The following CLCN6 variants were observed in gnomAD, a reference collection of about 807,000 sequenced individuals.
The protein encoded by CLCN6 is Cl-/H+ antiporter 6.
Under a neutral mutation model 109.8 loss-of-function variants are expected in CLCN6, and 70 were observed. The ratio of observed to expected loss-of-function variants is 0.64; its 90% CI spans 0.53 to 0.78. The LOEUF is 0.78. Among genes scored for constraint, CLCN6 ranks in the 30% least tolerant of loss-of-function variants. The pLI is 0.00. For missense variants in CLCN6, 984 were observed against 1,142.3 expected (o/e 0.86, Z 2.00); for synonymous variants, 444 against 447.8 (o/e 0.99, Z 0.11).
At chr1:11,816,546 CA>C in intron 3 of CLCN6, 68 bp from the exon 4 acceptor site, 1 of 1,432,048 alleles carries the variant, frequency 7.0e-7, no homozygotes, top group Non-Finnish European at 9.7e-7. Context: ...ACTGGTTGGC[CA>C]AGATGTATTT....
chr1:11,840,668 G>C lies in CLCN6; in HGVS notation c.*445G>C, dbSNP rs1015054482. The stretch of plus-strand genomic sequence containing the variant: ...GGGGAGATGCCAGTGACAACATACA[G>C]TTCATGACTAGGTTTAGGAATTGGG... On this transcript the variant is annotated 3_prime_UTR_variant, in exon 23 of 23. Transcript: ENST00000346436. The C allele has an allele frequency of 2.1e-5, 5 of 233,180 alleles. No homozygotes were observed. The highest frequency in any genetic ancestry group is 4.4e-5 in the Non-Finnish European group (5 of 114,030). The allele number at this position is 233,180 out of a possible 1,614,324, so 14.4% of individuals were successfully genotyped here. A position where few individuals can be genotyped will look rare whatever the true frequency, so the allele number is the denominator to read the frequency against.
rs766543976 is a variant in CLCN6, at chr1:11,822,683, C to T, written c.347-12C>T. The T allele has an allele frequency of 8.9e-6, 14 of 1,576,478 alleles. No homozygotes were observed. The Middle Eastern group carries it at 5.3e-4, about 59-fold the overall frequency. On this transcript the variant is annotated splice_polypyrimidine_tract_variant and intron_variant, in intron 5 of 22. Coordinates refer to ENST00000346436, the MANE Select transcript of CLCN6 (RefSeq NM_001286.5). ...GGCTGATGAACAAGTTTCCTTAACC[C>T]AGTTTCCGCAGCGGTGGAGGAGTGC...
intron 4 of CLCN6, 54 bp downstream of exon 4, chr1:11,816,734 A>C: frequency 3.6e-6 from 5 of 1,378,450 alleles, no homozygotes; most frequent in East Asian, 2.3e-5. Flanking sequence ...AGGGGCTTAC[A>C]GGGAAAGCCC....
Position 11,842,807 on chromosome 1 carries a change from C to T in CLCN6, c.*2584C>T, listed in dbSNP as rs1191775032. ...AGGGACACTTTCAGGACCCAGTCCA[C>T]TGTATGGCATTTGTGATGCAGAATT... is the stretch of plus-strand genomic sequence containing the variant. On this transcript the variant is annotated 3_prime_UTR_variant, in exon 23 of 23. Coordinates refer to ENST00000346436, the MANE Select transcript of CLCN6 (RefSeq NM_001286.5). The T allele has an allele frequency of 2.6e-5, 4 of 152,230 alleles. No individual in the cohort carries two copies. Among genetic ancestry groups the T allele is most frequent in the Non-Finnish European group, 4.4e-5 (3 of 68,040 alleles). 9.4% of individuals were successfully genotyped at this position (152,230 alleles called of 1,614,324 possible).
intron 6 of CLCN6, 93 bp from the exon 7 acceptor site, chr1:11,823,614 C>A: frequency 6.5e-7 from 1 of 1,544,342 alleles, no homozygotes; most frequent in South Asian, 1.2e-5. Context: ...ATGAAGGTGG[C>A]CAGCTCTCCC....
chr1:11,816,698 G>C lies in CLCN6; in HGVS notation c.279+18G>C. 6.2e-7 allele frequency: 1 copy of C among 1,607,562 alleles called. No individual in the cohort carries two copies. Among genetic ancestry groups the C allele is most frequent in the Non-Finnish European group, 8.5e-7 (1 of 1,176,192 alleles). ...CTGGCCTGGTGAGGAGGCAGGGCCT[G>C]GAGGGATGGTGGGCCATAGGGCTGG... On this transcript the variant is annotated intron_variant, in intron 4 of 22. Coordinates refer to ENST00000346436, the MANE Select transcript of CLCN6 (RefSeq NM_001286.5).
intron 6 of CLCN6, among the ~76,000 whole-genome samples, chr1:11,823,315 T>TA (rs1456636361): frequency 7.3e-6 from 1 of 137,052 alleles, no homozygotes; most frequent in African/African-American, 3.0e-5. Context: ...AATTAGCCGG[T>TA]AAAAATACAA....
In CLCN6 at chr1:11,826,169, C is replaced by G. The variant is rs202066883; in HGVS notation, c.662C>G (p.Ser221Cys). Residue 221 changes from serine (S) to cysteine (C), a missense_variant, in exon 9 of 23, where the codon TCC becomes TGC. Transcript: ENST00000346436. The part of the protein sequence containing the change: ...GAGLPQFQSI[S>C]LRKIQFNFPY... ...CTCTTGCTTTAGTTTCAGAGCATCT[C>G]CTTACGGAAGATCCAGTTTAACTTC... The G allele has an allele frequency of 1.1e-4, 176 of 1,613,646 alleles. No individual in the cohort carries two copies. Among genetic ancestry groups the G allele is most frequent in the Middle Eastern group, 3.3e-4 (2 of 6,058 alleles).
chr1:11,808,766 T>A (rs1644558437), intron 2 of CLCN6, among the ~76,000 whole-genome samples: 1 of 151,982 alleles, frequency 6.6e-6, no homozygotes, highest in Admixed American at 6.6e-5. Flanking sequence ...TTGGAGCCGT[T>A]TGTATAGTTT....
In CLCN6 at chr1:11,829,208, C is replaced by T; in HGVS notation, c.1134C>T (p.Ser378=). The T allele has an allele frequency of 1.2e-6, 2 of 1,613,938 alleles. No individual in the cohort carries two copies. Among genetic ancestry groups the T allele is most frequent in the Non-Finnish European group, 1.7e-6 (2 of 1,179,930 alleles). The change falls in exon 13 of 23, where the codon AGC becomes AGT. Residue 378 remains serine, a synonymous_variant. Transcript: ENST00000346436. ...PKPKLVRVLE[S]LLVSLVTTVV... The stretch of plus-strand genomic sequence containing the variant: ...CTTTGCCTCCTAGAGTCTTAGAGAG[C>T]CTCCTTGTGTCTCTGGTAACCACCG...
intron 13 of CLCN6, among the ~76,000 whole-genome samples, chr1:11,831,379 A>G (rs2100648725): frequency 6.8e-6 from 1 of 147,188 alleles, no homozygotes; most frequent in South Asian, 2.2e-4. Flanking sequence ...CTTGTTTTGA[A>G]CTCCTGACCT....
At chr1:11,809,403 T>C (rs1212738753) in intron 2 of CLCN6, among the ~76,000 whole-genome samples, 1 of 152,186 alleles carries the variant, frequency 6.6e-6, no homozygotes, top group African/African-American at 2.4e-5. Flanking sequence ...TGTACTTACA[T>C]TTGTAATGTG....
chr1:11,825,977 A>G (rs139167899), intron 8 of CLCN6, among the ~76,000 whole-genome samples, 179 bp from the exon 9 acceptor site: 5 of 151,964 alleles, frequency 3.3e-5, no homozygotes, highest in African/African-American at 1.2e-4. Context: ...TTCCTGCAGC[A>G]CACTTACCCA....
intron 6 of CLCN6, 101 bp from the exon 7 acceptor site, chr1:11,823,606 G>A: frequency 6.6e-7 from 1 of 1,507,738 alleles, no homozygotes; most frequent in Non-Finnish European, 9.1e-7. Context: ...CGCTGCTAAT[G>A]AAGGTGGCCA....
intron 19 of CLCN6, 34 bp from the exon 20 acceptor site, chr1:11,837,309 G>A (rs1163504270): frequency 6.3e-7 from 1 of 1,599,568 alleles, no homozygotes; most frequent in Non-Finnish European, 8.6e-7. Flanking sequence ...CCCGCTGAGG[G>A]TATCCCAGGC....
intron 5 of CLCN6, among the ~76,000 whole-genome samples, chr1:11,821,099 A>C (rs540421570): frequency 1.2e-4 from 18 of 151,510 alleles, no homozygotes; most frequent in African/African-American, 3.9e-4. Context: ...AAAAAAAAAA[A>C]CAAACAAAAT....
intron 10 of CLCN6, 141 bp from the exon 11 acceptor site, chr1:11,827,965 T>C (rs1178834133): frequency 7.1e-6 from 5 of 705,960 alleles, no homozygotes; most frequent in South Asian, 5.1e-5. Context: ...GTGTATCTAC[T>C]GTAAGGGTGA....
At chr1:11,820,412 A>G in intron 5 of CLCN6, 1 of 715,718 alleles carries the variant, frequency 1.4e-6, no homozygotes, top group Non-Finnish European at 2.6e-6. Context: ...TCGGGAGACT[A>G]TATGTTGTCA....
At chr1:11,825,422 T>C (rs1430388947) in intron 8 of CLCN6, among the ~76,000 whole-genome samples, 1 of 152,234 alleles carries the variant, frequency 6.6e-6, no homozygotes, top group Non-Finnish European at 1.5e-5. Context: ...GGCCCTTCTC[T>C]TCCTGGCGCT....
Sources: gnomAD v4.1 joint callset for allele counts (sites outside exome capture counted in the v4.1 genomes callset) on GRCh38, gnomAD v4.1.1 for gene constraint, MANE v1.5 for transcripts, NCBI Gene and HGNC (gene_info 2026-07-23, HGNC 2026-07-21) for gene names.